The following SLC24A4 variants were observed in gnomAD, a reference collection of about 807,000 sequenced individuals.
SLC24A4 encodes the protein sodium/potassium/calcium exchanger 4.
Under a neutral mutation model 79.0 loss-of-function variants are expected in SLC24A4, and 53 were observed. The ratio of observed to expected loss-of-function variants is 0.67; its 90% CI spans 0.54 to 0.84. The LOEUF (loss-of-function observed/expected upper bound fraction) is 0.84. SLC24A4 is among the 40% of genes least tolerant of loss of function. The pLI is 0.00. For missense variants in SLC24A4, 731 were observed against 822.0 expected, an observed-to-expected ratio of 0.89 and a Z score of 1.35; for synonymous variants, 323 against 323.8, an observed-to-expected ratio of 1.00 and a Z score of 0.03.
intron 12 of SLC24A4, 71 bp downstream of exon 12, chr14:92,456,679 C>T: frequency 3.4e-6 from 5 of 1,483,986 alleles, no homozygotes; most frequent in Non-Finnish European, 4.6e-6. Context: ...CCCAGGTCTT[C>T]AGGATGGAGG....
intron 2 of SLC24A4, among the ~76,000 whole-genome samples, chr14:92,413,958 G>A: frequency 6.6e-6 from 1 of 152,170 alleles, no homozygotes; most frequent in East Asian, 1.9e-4. Context: ...TTTCTTGCAT[G>A]TTCCCAGCCA....
intron 9 of SLC24A4, 76 bp downstream of exon 9, chr14:92,447,500 G>A (rs1892868563): frequency 7.3e-7 from 1 of 1,363,988 alleles, no homozygotes; most frequent in African/African-American, 1.4e-5. Flanking sequence ...TGACAGCAGG[G>A]AGAAAAACAT....
rs1896118239 is a variant in SLC24A4 at position 92,500,457 on chromosome 14, C to T, written c.*6829C>T. On this transcript the variant is annotated 3_prime_UTR_variant, in exon 17 of 17. Transcript: ENST00000532405. ...TCAATGGAAGAAGAGAGGACTTTTCCCCTCCTGAAAAATGACTGGAGTGTG... is the reference window on the plus strand; with the variant it reads ...TCAATGGAAGAAGAGAGGACTTTTCTCCTCCTGAAAAATGACTGGAGTGTG... 6.6e-6 allele frequency: 1 copy of T among 152,178 alleles called. No individual in the cohort carries two copies. Among genetic ancestry groups the T allele is most frequent in the African/African-American group, 2.4e-5 (1 of 41,440 alleles). The allele number at this position is 152,178 out of a possible 1,614,324, so 9.4% of individuals were successfully genotyped here. A position where few individuals can be genotyped will look rare whatever the true frequency, so the allele number is the denominator to read the frequency against.
chr14:92,465,088 C>G (rs1894030410), intron 12 of SLC24A4, among the ~76,000 whole-genome samples: 1 of 152,238 alleles, frequency 6.6e-6, no homozygotes, highest in Non-Finnish European at 1.5e-5. Flanking sequence ...AACGTGTTCC[C>G]TGATTCTGTT....
intron 3 of SLC24A4, among the ~76,000 whole-genome samples, chr14:92,434,297 G>C (rs1217968083): frequency 6.6e-6 from 1 of 152,050 alleles, no homozygotes; most frequent in Non-Finnish European, 1.5e-5. Flanking sequence ...GTGAATATGG[G>C]TCAAGGGCAT....
At chr14:92,361,818 T>C (rs776694605) in intron 2 of SLC24A4, among the ~76,000 whole-genome samples, 8 of 152,030 alleles carry the variant, frequency 5.3e-5, no homozygotes, top group Non-Finnish European at 4.4e-5. Context: ...GGTGTTGATT[T>C]TGAGGTCTCC....
intron 2 of SLC24A4, among the ~76,000 whole-genome samples, chr14:92,376,398 G>A (rs1435216177): frequency 6.6e-6 from 1 of 152,270 alleles, no homozygotes; most frequent in Admixed American, 6.5e-5. Context: ...ATGGGTGCAG[G>A]AGCTAATGGA....
chr14:92,409,768 A>G (rs886938098), intron 2 of SLC24A4, among the ~76,000 whole-genome samples: 4 of 152,184 alleles, frequency 2.6e-5, no homozygotes, highest in African/African-American at 9.7e-5. Context: ...TCACAATAGC[A>G]AAGACATGCA....
chr14:92,329,927 G>T (rs1243833814), intron 2 of SLC24A4, among the ~76,000 whole-genome samples: 1 of 152,220 alleles, frequency 6.6e-6, no homozygotes. Context: ...AATCCTGGCT[G>T]CATATTAAGA....
rs894972668 is a variant in SLC24A4 at position 92,499,966 on chromosome 14, A to C, written c.*6338A>C. 2 of 151,360 alleles carry C rather than the reference A, an allele frequency of 1.3e-5. No homozygotes were observed. Among genetic ancestry groups the C allele is most frequent in the Non-Finnish European group, 2.9e-5 (2 of 68,064 alleles). The allele number at this position is 151,360 out of a possible 1,614,324, so 9.4% of individuals were successfully genotyped here. A position where few individuals can be genotyped will look rare whatever the true frequency, so the allele number is the denominator to read the frequency against. On this transcript the variant is annotated 3_prime_UTR_variant, in exon 17 of 17. Coordinates refer to ENST00000532405, the MANE Select transcript of SLC24A4 (RefSeq NM_153646.4). ...GCCATTCTCCTGCCTCAGCCTCCCG[A>C]GTAGCTGGGACTACAGGCGCCTGCC...
At chr14:92,411,286 T>C (rs1890692768) in intron 2 of SLC24A4, among the ~76,000 whole-genome samples, 1 of 152,340 alleles carries the variant, frequency 6.6e-6, no homozygotes, top group South Asian at 2.1e-4. Context: ...TTGAGGACAC[T>C]GGCCTGGAAT....
chr14:92,336,252 T>C (rs945329953), intron 2 of SLC24A4, among the ~76,000 whole-genome samples: 1 of 152,240 alleles, frequency 6.6e-6, no homozygotes, highest in Non-Finnish European at 1.5e-5. Context: ...AACAGAAAAG[T>C]TGAATACTTG....
chr14:92,376,441 A>G (rs12436031), intron 2 of SLC24A4, among the ~76,000 whole-genome samples: 21,321 of 152,260 alleles, frequency 0.14, 1,890 homozygotes, highest in African/African-American at 0.25. Context: ...GCATGTTCCC[A>G]GGCCACGTCG....
At chr14:92,493,003 CACACACACACACACAG>C (rs759428785) in intron 16 of SLC24A4, 12,625 of 330,266 alleles carry the variant, frequency 0.038, 405 homozygotes, top group Non-Finnish European at 0.053. Context: ...CACACACACA[CACACACACACACACAG>C]AGAAAGATTT....
chr14:92,419,909 G>A (rs901627538), intron 2 of SLC24A4, among the ~76,000 whole-genome samples: 2 of 152,184 alleles, frequency 1.3e-5, no homozygotes, highest in Admixed American at 6.5e-5. Context: ...GTACTTGGTC[G>A]AGAAGAGGTT....
At chr14:92,406,885 G>A (rs76313112) in intron 2 of SLC24A4, among the ~76,000 whole-genome samples, 29,117 of 152,050 alleles carry the variant, frequency 0.19, 3,016 homozygotes, top group Non-Finnish European at 0.22. Flanking sequence ...GCAGATTTCC[G>A]CAGCTGGCTT....
chr14:92,477,542 C>G (rs1894835728), intron 12 of SLC24A4, among the ~76,000 whole-genome samples: 1 of 152,152 alleles, frequency 6.6e-6, no homozygotes, highest in African/African-American at 2.4e-5. Context: ...TCACTGCAGC[C>G]TCTAACTCCT....
intron 2 of SLC24A4, among the ~76,000 whole-genome samples, chr14:92,411,645 T>G (rs570927544): frequency 6.6e-6 from 1 of 152,222 alleles, no homozygotes; most frequent in South Asian, 2.1e-4. Context: ...GGAGGAGAAA[T>G]CCATATTGTC....
rs564338257 is a variant in SLC24A4 at position 92,465,965 on chromosome 14, C to T, written c.1255+9357C>T. 5.3e-5 allele frequency among the ~76,000 whole-genome samples: 8 copies of T among 152,306 alleles called. No homozygotes were observed. The South Asian group carries it at 1.7e-3, about 32-fold the overall frequency. On this transcript the variant is annotated intron_variant, in intron 12 of 16. Coordinates refer to ENST00000532405, the MANE Select transcript of SLC24A4 (RefSeq NM_153646.4). Reference sequence around the variant, plus strand: ...CCCCACAAACCTCAGTGTGACAGCTCAGTTCAACAGCAGGTCTTGACCTCT... The same window carrying T: ...CCCCACAAACCTCAGTGTGACAGCTTAGTTCAACAGCAGGTCTTGACCTCT...
Sources: gnomAD v4.1 joint callset for allele counts (sites outside exome capture counted in the v4.1 genomes callset) on GRCh38, gnomAD v4.1.1 for gene constraint, MANE v1.5 for transcripts, NCBI Gene and HGNC (gene_info 2026-07-23, HGNC 2026-07-21) for gene names.